ADRA1B: variants seen among roughly 807,000 people sequenced by gnomAD.
ADRA1B encodes the protein alpha-1B adrenergic receptor.
In ADRA1B, 17 loss-of-function variants were observed where a neutral mutation model predicts 17.9. The observed-to-expected ratio is 0.95, with a 90% CI of 0.65 to 1.42. ADRA1B has a LOEUF of 1.42. Among genes scored for constraint, ADRA1B ranks in the 40% most tolerant of loss-of-function variants. The pLI is 0.00. For synonymous variants in ADRA1B, 366 were observed against 327.6 expected, an observed-to-expected ratio of 1.12 and a Z score of -1.27; for missense variants, 681 against 722.1, an observed-to-expected ratio of 0.94 and a Z score of 0.65.
chr5:159,978,983 C>T, the ADRA1B span, among the ~76,000 whole-genome samples: 1 of 152,078 alleles, frequency 6.6e-6, no homozygotes, highest in African/African-American at 2.4e-5. Flanking sequence ...TTGAGCAAAC[C>T]CTGTCTTTGC....
chr5:159,987,162 A>C, the ADRA1B span, among the ~76,000 whole-genome samples: 2 of 152,228 alleles, frequency 1.3e-5, no homozygotes, highest in Non-Finnish European at 2.9e-5. Flanking sequence ...GAAACCAAAC[A>C]GCAGTTGTTA....
chr5:159,896,319 T>C (rs544808326), intron 1 of ADRA1B, among the ~76,000 whole-genome samples: 1 of 152,344 alleles, frequency 6.6e-6, no homozygotes, highest in African/African-American at 2.4e-5. Context: ...TCAATTTAGA[T>C]AAACTTAAAT....
intron 1 of ADRA1B, among the ~76,000 whole-genome samples, chr5:159,897,153 C>G (rs184291997): frequency 5.9e-5 from 9 of 152,314 alleles, no homozygotes; most frequent in Admixed American, 4.6e-4. Context: ...CTATTTTCCT[C>G]GTTTCCTGTG....
intron 1 of ADRA1B, chr5:159,868,254 G>A (rs1302448237): frequency 6.6e-6 from 1 of 152,204 alleles, no homozygotes; most frequent in Non-Finnish European, 1.5e-5. Flanking sequence ...AAATAAATCA[G>A]TGCTGATTGC....
chr5:159,950,529 C>G (rs1278187379), intron 1 of ADRA1B: 9 of 1,521,060 alleles, frequency 5.9e-6, no homozygotes, highest in Non-Finnish European at 8.1e-6. Context: ...TGAGGTCCAC[C>G]ACCCTGTTGC....
chr5:159,866,678 T>C (rs1434430426), intron 1 of ADRA1B, among the ~76,000 whole-genome samples: 1 of 152,042 alleles, frequency 6.6e-6, no homozygotes, highest in Non-Finnish European at 1.5e-5. Context: ...AACCATTATG[T>C]GCTTTTATGG....
intron 1 of ADRA1B, among the ~76,000 whole-genome samples, chr5:159,901,983 T>C (rs1156827439): frequency 1.3e-5 from 2 of 152,198 alleles, no homozygotes; most frequent in Non-Finnish European, 2.9e-5. Context: ...TATGATGCAA[T>C]AATCCCACTT....
At chr5:159,964,647 T>C (rs1755741176) in intron 1 of ADRA1B, among the ~76,000 whole-genome samples, 2 of 152,226 alleles carry the variant, frequency 1.3e-5, no homozygotes, top group African/African-American at 4.8e-5. Context: ...ACGACAGCTA[T>C]GGACCCTAAC....
At chr5:159,943,074 T>C (rs958544003) in intron 1 of ADRA1B, among the ~76,000 whole-genome samples, 6 of 152,042 alleles carry the variant, frequency 3.9e-5, no homozygotes, top group Admixed American at 1.3e-4. Context: ...TAGCCGGGCA[T>C]GGTGGCGTGC....
At chr5:159,964,746 A>G (rs1276697420) in intron 1 of ADRA1B, among the ~76,000 whole-genome samples, 3 of 152,242 alleles carry the variant, frequency 2.0e-5, no homozygotes, top group African/African-American at 7.2e-5. Context: ...AAAGAGCAGT[A>G]GGGTAAGTCT....
chr5:159,918,409 A>G (rs779010665), intron 1 of ADRA1B, among the ~76,000 whole-genome samples: 3 of 152,242 alleles, frequency 2.0e-5, no homozygotes, highest in Non-Finnish European at 4.4e-5. Flanking sequence ...TCACCCAGAT[A>G]TACTACGTTC....
At chr5:159,922,410 A>G (rs1237743552) in intron 1 of ADRA1B, among the ~76,000 whole-genome samples, 1 of 152,214 alleles carries the variant, frequency 6.6e-6, no homozygotes, top group Admixed American at 6.5e-5. Flanking sequence ...CAGCACACCA[A>G]GGAAATGTCT....
intron 1 of ADRA1B, among the ~76,000 whole-genome samples, chr5:159,967,764 C>G (rs1291098679): frequency 5.3e-5 from 8 of 152,100 alleles, no homozygotes; most frequent in Non-Finnish European, 1.0e-4. Context: ...GAGCCCAAAC[C>G]CAAAATGTGG....
chr5:159,971,288 T>C (rs1755859842), intron 1 of ADRA1B, among the ~76,000 whole-genome samples: 1 of 152,254 alleles, frequency 6.6e-6, no homozygotes, highest in Admixed American at 6.5e-5. Flanking sequence ...TTGACTGTTT[T>C]GGTCATTGTA....
intron 1 of ADRA1B, among the ~76,000 whole-genome samples, chr5:159,902,497 A>C (rs1754113926): frequency 6.6e-6 from 1 of 151,960 alleles, no homozygotes; most frequent in Non-Finnish European, 1.5e-5. Context: ...CACCATTTAA[A>C]AAAAAAAAAG....
intron 1 of ADRA1B, among the ~76,000 whole-genome samples, chr5:159,958,581 C>G (rs1380142274): frequency 2.0e-5 from 3 of 152,088 alleles, no homozygotes; most frequent in African/African-American, 7.2e-5. Context: ...GTTATTCTTC[C>G]AAATTCCATA....
At chr5:159,909,595 T>C (rs546741133) in intron 1 of ADRA1B, among the ~76,000 whole-genome samples, 150 of 152,358 alleles carry the variant, frequency 9.8e-4, no homozygotes, top group African/African-American at 3.5e-3. Flanking sequence ...CTGTTCAATG[T>C]CAGACACAAT....
rs1755912085 is a variant in ADRA1B, at chr5:159,972,872, GACTGTGCGCC to G, written c.*381_*390del. On this transcript the variant is annotated 3_prime_UTR_variant, in exon 2 of 2. Coordinates refer to ENST00000306675, the MANE Select transcript of ADRA1B (RefSeq NM_000679.4). Reference sequence around the variant, plus strand: ...TGGGGCCGCCCTGTGAGGGCGCGGCGACTGTGCGCCCAGGAGGCAACCGGGGGCGTTGTGT... The same window carrying G: ...TGGGGCCGCCCTGTGAGGGCGCGGCGCAGGAGGCAACCGGGGGCGTTGTGT... Among the ~76,000 whole-genome samples the G allele has an allele frequency of 6.6e-6, 1 of 152,210 alleles. No individual in the cohort carries two copies. Among genetic ancestry groups the G allele is most frequent in the Non-Finnish European group, 1.5e-5 (1 of 68,024 alleles).
chr5:159,946,362 T>A (rs1755272696), intron 1 of ADRA1B, among the ~76,000 whole-genome samples: 6 of 152,198 alleles, frequency 3.9e-5, no homozygotes, highest in Admixed American at 2.6e-4. Flanking sequence ...ATGACATGCA[T>A]ACAGAAAAGA....
Sources: allele counts gnomAD v4.1 joint callset (sites outside exome capture counted in the v4.1 genomes callset), GRCh38; gene constraint gnomAD v4.1.1; transcripts MANE v1.5; gene names NCBI Gene and HGNC (gene_info 2026-07-23, HGNC 2026-07-21).